RHCE: variants seen among roughly 807,000 people sequenced by gnomAD.
RHCE encodes the protein blood group Rh(CE) polypeptide.
RHCE carries 22 observed loss-of-function variants against 43.8 expected under a neutral mutation model. That is an observed-to-expected ratio of 0.50 (90% CI 0.36 to 0.72). The LOEUF is 0.72. RHCE is among the 30% of genes least tolerant of loss of function. RHCE has a pLI of 0.00. For missense variants in RHCE, 385 were observed against 525.4 expected, an observed-to-expected ratio of 0.73 and a Z score of 2.61; for synonymous variants, 156 against 210.7, an observed-to-expected ratio of 0.74 and a Z score of 2.25.
intron 3 of RHCE, among the ~76,000 whole-genome samples, chr1:25,393,197 C>A (rs1201634310): frequency 1.3e-5 from 2 of 152,200 alleles, no homozygotes; most frequent in East Asian, 3.8e-4. Flanking sequence ...TTCCCACTGA[C>A]CCCATCTTGG....
At chr1:25,399,034 G>T in intron 3 of RHCE, 2 of 1,581,744 alleles carry the variant, frequency 1.3e-6, no homozygotes, top group Non-Finnish European at 1.7e-6. Context: ...CATGGTCACT[G>T]GGGCCTTGGA....
intron 1 of RHCE, among the ~76,000 whole-genome samples, chr1:25,413,075 G>C (rs28580183): frequency 8.5e-5 from 13 of 152,156 alleles, no homozygotes; most frequent in Admixed American, 4.6e-4. Flanking sequence ...GGGCTTTATC[G>C]GGCACAGCTG....
chr1:25,380,131 C>G (rs1272844523), intron 7 of RHCE, among the ~76,000 whole-genome samples: 1 of 144,102 alleles, frequency 6.9e-6, no homozygotes, highest in Non-Finnish European at 1.5e-5. Flanking sequence ...AAGTTATTGA[C>G]TTCCAAAATA....
chr1:25,420,886 G>C, upstream of RHCE: 1 of 1,551,250 alleles, frequency 6.4e-7, no homozygotes, highest in South Asian at 1.2e-5. Flanking sequence ...GGAGACACCC[G>C]CCAAAGGCCT....
chr1:25,385,095 A>G (rs1646111048), intron 7 of RHCE, among the ~76,000 whole-genome samples: 1 of 152,184 alleles, frequency 6.6e-6, no homozygotes, highest in Non-Finnish European at 1.5e-5. Flanking sequence ...CTGGTGTGTC[A>G]AACTGACCAT....
intron 1 of RHCE, among the ~76,000 whole-genome samples, chr1:25,418,812 G>T (rs1299430500): frequency 6.6e-6 from 1 of 152,176 alleles, no homozygotes; most frequent in African/African-American, 2.4e-5. Flanking sequence ...TCCCCTGCCT[G>T]GGTTGTGGAC....
chr1:25,410,653 G>A (rs997805826), intron 1 of RHCE, among the ~76,000 whole-genome samples: 29 of 152,006 alleles, frequency 1.9e-4, no homozygotes, highest in African/African-American at 3.9e-4. Context: ...ACCCACCTCC[G>A]TCTCCCAAAG....
At chr1:25,383,975 C>A (rs1571855947) in intron 7 of RHCE, among the ~76,000 whole-genome samples, 2 of 152,066 alleles carry the variant, frequency 1.3e-5, no homozygotes, top group Non-Finnish European at 2.9e-5. Context: ...TTGGCTTTTT[C>A]TTTTTTGGCT....
intron 3 of RHCE, among the ~76,000 whole-genome samples, chr1:25,401,816 G>A (rs1646751414): frequency 6.6e-6 from 1 of 152,152 alleles, no homozygotes; most frequent in Non-Finnish European, 1.5e-5. Flanking sequence ...CATTTGCACA[G>A]ACCACACTTT....
chr1:25,402,106 A>T (rs1025341746), intron 3 of RHCE, among the ~76,000 whole-genome samples: 1 of 151,678 alleles, frequency 6.6e-6, no homozygotes, highest in African/African-American at 2.4e-5. Flanking sequence ...TGAACTCCTG[A>T]CCTCAGGTGA....
intron 3 of RHCE, among the ~76,000 whole-genome samples, chr1:25,394,134 G>A (rs113930193): frequency 7.9e-5 from 12 of 151,990 alleles, no homozygotes; most frequent in African/African-American, 1.2e-4. Context: ...GATTACAGGC[G>A]CCCACCACTG....
chr1:25,398,952 G>A, intron 3 of RHCE: 1 of 1,093,220 alleles, frequency 9.1e-7, no homozygotes, highest in Non-Finnish European at 1.4e-6. Flanking sequence ...TTTGCTCCCG[G>A]GTCTGCTTCC....
intron 3 of RHCE, among the ~76,000 whole-genome samples, chr1:25,401,922 G>T (rs1646758167): frequency 6.6e-6 from 1 of 151,572 alleles, no homozygotes; most frequent in Non-Finnish European, 1.5e-5. Flanking sequence ...TGTCCCCCAG[G>T]CTGCAGTGCA....
chr1:25,370,028 C>G (rs369106003), intron 9 of RHCE, among the ~76,000 whole-genome samples: 4 of 151,640 alleles, frequency 2.6e-5, no homozygotes, highest in African/African-American at 9.8e-5. Context: ...CGTCAGCCAC[C>G]GTGCCCAGCC....
intron 8 of RHCE, among the ~76,000 whole-genome samples, chr1:25,373,717 G>A (rs1456382327): frequency 6.6e-6 from 1 of 151,674 alleles, no homozygotes; most frequent in Non-Finnish European, 1.5e-5. Flanking sequence ...AGTGTCTTAC[G>A]CCATTTGTCT....
At chr1:25,426,523 C>T (rs1571937501) in intron 2 of RHCE, among the ~76,000 whole-genome samples, 1 of 152,218 alleles carries the variant, frequency 6.6e-6, no homozygotes, top group African/African-American at 2.4e-5. Flanking sequence ...TGCCTTAACT[C>T]CTCTGTGCCA....
chr1:25,370,908 C>T (rs1044732380), intron 8 of RHCE, among the ~76,000 whole-genome samples: 2 of 148,068 alleles, frequency 1.4e-5, no homozygotes, highest in African/African-American at 5.1e-5. Flanking sequence ...GCCACCACAT[C>T]CAGCTAATTT....
At chr1:25,380,466 G>A (rs1267373885) in intron 7 of RHCE, among the ~76,000 whole-genome samples, 13 of 151,814 alleles carry the variant, frequency 8.6e-5, no homozygotes, top group Non-Finnish European at 1.2e-4. Flanking sequence ...GGGTCTTGGC[G>A]GTGGCCCCAC....
At position 25,385,747 on chromosome 1, in the gene RHCE, A is replaced by T; in HGVS notation, c.1037T>A (p.Leu346Gln). Residue 346 changes from leucine to glutamine, a missense_variant, in exon 7 of 10, where the codon CTG becomes CAG. Coordinates refer to ENST00000294413, the MANE Select transcript of RHCE (RefSeq NM_020485.8). ...GTTCCAGACAGTATGAAGCACCAGC[A>T]GCACAATGTAGGTGATCTCTCCAAG... Reference protein sequence around the residue: ...GLLGEITYIVLLVLHTVWNGN... With the variant: ...GLLGEITYIVQLVLHTVWNGN... 1 of 1,614,022 alleles carries T rather than the reference A, an allele frequency of 6.2e-7. No individual in the cohort carries two copies. The highest frequency in any genetic ancestry group is 8.5e-7 in the Non-Finnish European group (1 of 1,180,016).
Sources: gnomAD v4.1 joint callset for allele counts (sites outside exome capture counted in the v4.1 genomes callset) on GRCh38, gnomAD v4.1.1 for gene constraint, MANE v1.5 for transcripts, NCBI Gene and HGNC (gene_info 2026-07-23, HGNC 2026-07-21) for gene names.